MAP2K7: variants seen among roughly 807,000 people sequenced by gnomAD.
MAP2K7 encodes the protein mitogen-activated protein kinase kinase 7.
MAP2K7 carries 12 observed loss-of-function variants against 47.7 expected under a neutral mutation model. The ratio of observed to expected loss-of-function variants is 0.25; its 90% CI spans 0.16 to 0.41. MAP2K7 has a LOEUF of 0.41. Among genes scored for constraint, MAP2K7 ranks in the 10% least tolerant of loss-of-function variants. MAP2K7 has a pLI of 1.00. For missense variants in MAP2K7, 415 were observed against 600.3 expected (o/e 0.69, Z 3.23); for synonymous variants, 299 against 243.0 (o/e 1.23, Z -2.14).
chr19:7,910,211 G>A (rs1413318819), intron 3 of MAP2K7, 49 bp from the exon 4 acceptor site: 54 of 1,604,958 alleles, frequency 3.4e-5, no homozygotes, highest in Non-Finnish European at 4.5e-5. Context: ...GGGGGCAGGG[G>A]GCGGTGGCAG....
chr19:7,910,645 T>G (rs1982773052), intron 5 of MAP2K7, 51 bp from the exon 6 acceptor site: 8 of 1,608,528 alleles, frequency 5.0e-6, no homozygotes, highest in Non-Finnish European at 6.0e-6. Context: ...GCAGAGCCTC[T>G]GGGGGGTGGG....
chr19:7,910,917 A>G, intron 6 of MAP2K7, 63 bp from the exon 7 acceptor site: 1 of 1,590,550 alleles, frequency 6.3e-7, no homozygotes. Flanking sequence ...TGGGGCGTGC[A>G]CCGGGCAGGT....
intron 9 of MAP2K7, 132 bp from the exon 10 acceptor site, chr19:7,912,017 G>A (rs1982907785): frequency 1.3e-6 from 1 of 793,360 alleles, no homozygotes; most frequent in Non-Finnish European, 2.1e-6. Flanking sequence ...GGGTCCTGAG[G>A]ACATCCACAG....
intron 1 of MAP2K7, 55 bp downstream of exon 1, chr19:7,904,123 CG>C: frequency 8.5e-7 from 1 of 1,179,062 alleles, no homozygotes; most frequent in East Asian, 3.8e-5. Flanking sequence ...GCGCGCGCCG[CG>C]GGAGGCCCCG....
At chr19:7,905,362 G>A (rs1000202521) in intron 1 of MAP2K7, among the ~76,000 whole-genome samples, 1 of 152,126 alleles carries the variant, frequency 6.6e-6, no homozygotes, top group Non-Finnish European at 1.5e-5. Context: ...CTGAGTCAGC[G>A]TGGGTTCCTC....
intron 1 of MAP2K7, 60 bp downstream of exon 1, chr19:7,904,128 G>A: frequency 8.4e-7 from 1 of 1,191,352 alleles, no homozygotes; most frequent in Non-Finnish European, 1.0e-6. Context: ...CGCCGCGGGA[G>A]GCCCCGCCCC....
At chr19:7,910,837 A>G (rs759816809) in intron 6 of MAP2K7, 34 bp downstream of exon 6, 2 of 1,577,580 alleles carry the variant, frequency 1.3e-6, no homozygotes, top group South Asian at 2.3e-5. Flanking sequence ...ACTGGGCAGG[A>G]TGACAGAGGC....
At chr19:7,904,450 G>C (rs542110473) in intron 1 of MAP2K7, 1 of 380,704 alleles carries the variant, frequency 2.6e-6, no homozygotes, top group East Asian at 1.4e-4. Flanking sequence ...CGTCATCTCA[G>C]GGACTGTCTG....
At chr19:7,907,646 C>T (rs1259534752) in intron 1 of MAP2K7, among the ~76,000 whole-genome samples, 1 of 152,204 alleles carries the variant, frequency 6.6e-6, no homozygotes, top group Non-Finnish European at 1.5e-5. Flanking sequence ...CCTTCCATCC[C>T]CCCATGCTCC....
chr19:7,910,857 C>T lies in MAP2K7; in HGVS notation c.675+54C>T, dbSNP rs554660875. ...GCAGGATGACAGAGGCGGTGAGTGA[C>T]CAGGCGGGGCGTGCACTGGGCAAGA... is the stretch of plus-strand genomic sequence containing the variant. On this transcript the variant is annotated intron_variant, in intron 6 of 10. Coordinates refer to ENST00000397979, the MANE Select transcript of MAP2K7 (RefSeq NM_145185.4). 1.1e-5 allele frequency: 18 copies of T among 1,569,544 alleles called. No individual in the cohort carries two copies. The African/African-American group carries it at 1.2e-4, about 11-fold the overall frequency.
intron 9 of MAP2K7, 119 bp downstream of exon 9, chr19:7,911,697 C>G: frequency 9.0e-7 from 1 of 1,107,274 alleles, no homozygotes; most frequent in Non-Finnish European, 1.3e-6. Flanking sequence ...CGACTGTGGG[C>G]GGGCTCCTGG....
At chr19:7,904,098 G>T in intron 1 of MAP2K7, 30 bp downstream of exon 1, 1 of 1,216,226 alleles carries the variant, frequency 8.2e-7, no homozygotes, top group South Asian at 3.3e-5. Flanking sequence ...GGAGGGGGCG[G>T]GCGGGCGGGG....
chr19:7,906,201 G>C (rs1490754568), intron 1 of MAP2K7: 2 of 329,012 alleles, frequency 6.1e-6, no homozygotes, highest in Non-Finnish European at 1.2e-5. Context: ...GGCCTGGTGG[G>C]TGGGTGGCCT....
rs548806971 is a variant in MAP2K7 at position 7,911,236 on chromosome 19, T to TCC, written c.856-7_856-6dup. 1.1e-5 allele frequency: 18 copies of TCC among 1,577,314 alleles called. No individual in the cohort carries two copies. In the African/African-American group the frequency reaches 1.7e-4, roughly 15 times the overall value. ...CCAGCCTTGGAGATACGTCTTCTCC[T>TCC]CCCCCCCCTGCAGCCCGAGCGCATT... is the stretch of plus-strand genomic sequence containing the variant. On this transcript the variant is annotated splice_polypyrimidine_tract_variant and intron_variant, in intron 7 of 10. Coordinates refer to ENST00000397979, the MANE Select transcript of MAP2K7 (RefSeq NM_145185.4).
chr19:7,910,671 C>A lies in MAP2K7; in HGVS notation c.568-25C>A, dbSNP rs755389829. On this transcript the variant is annotated intron_variant, in intron 5 of 10. Coordinates refer to ENST00000397979, the MANE Select transcript of MAP2K7 (RefSeq NM_145185.4). ...GGGGGGTGGGCCGGAAGACACAGCT[C>A]CCCCGGGTGCCCCTCTCCCTGCAGA... 1.9e-6 allele frequency: 3 copies of A among 1,605,628 alleles called. No individual in the cohort carries two copies. In the African/African-American group the frequency reaches 4.0e-5, roughly 21 times the overall value.
chr19:7,904,247 C>T (rs1328202395), intron 1 of MAP2K7, among the ~76,000 whole-genome samples, 179 bp downstream of exon 1: 1 of 152,040 alleles, frequency 6.6e-6, no homozygotes, highest in African/African-American at 2.4e-5. Context: ...GTGGAGCCGG[C>T]GAGCTCCGGG....
chr19:7,905,768 T>G (rs780499727), intron 1 of MAP2K7: 11 of 1,541,978 alleles, frequency 7.1e-6, no homozygotes, highest in Middle Eastern at 1.7e-4. Context: ...CTGTTGTGAT[T>G]TATCGTGGTG....
At chr19:7,907,128 G>A (rs1982512367) in intron 1 of MAP2K7, 1 of 151,514 alleles carries the variant, frequency 6.6e-6, no homozygotes, top group Non-Finnish European at 1.5e-5. Context: ...GGGCAACAGA[G>A]CAAGACTCCG....
At position 7,910,054 on chromosome 19, in the gene MAP2K7, T is replaced by C; in HGVS notation, c.267-9T>C. ...CCCACCTCCACCGGCACCTGCTCCA[T>C]GTCCCCAGCATTGAGATTGACCAGA... On this transcript the variant is annotated splice_polypyrimidine_tract_variant and intron_variant, in intron 2 of 10. Transcript: ENST00000397979. The C allele has an allele frequency of 1.3e-6, 2 of 1,596,088 alleles. No homozygotes were observed. Among genetic ancestry groups the C allele is most frequent in the Non-Finnish European group, 1.7e-6 (2 of 1,172,700 alleles).
Sources: gnomAD v4.1 joint callset for allele counts (sites outside exome capture counted in the v4.1 genomes callset) on GRCh38, gnomAD v4.1.1 for gene constraint, MANE v1.5 for transcripts, NCBI Gene and HGNC (gene_info 2026-07-23, HGNC 2026-07-21) for gene names.